HHIP: variants seen among roughly 807,000 people sequenced by gnomAD.
HHIP encodes the protein hedgehog-interacting protein.
A neutral mutation model predicts 74.0 loss-of-function variants in HHIP; 12 were observed. That is an observed-to-expected ratio of 0.16 (90% confidence interval 0.10 to 0.26). HHIP has a LOEUF of 0.26. Among genes scored for constraint, HHIP ranks in the 10% least tolerant of loss-of-function variants. The probability of loss-of-function intolerance (pLI) is 1.00; values close to 1 mark genes in which losing one functional copy is unlikely to be tolerated. For synonymous variants in HHIP, 309 were observed against 311.6 expected, an observed-to-expected ratio of 0.99 and a Z score of 0.09; for missense variants, 788 against 845.0, an observed-to-expected ratio of 0.93 and a Z score of 0.84.
chr4:144,728,684 C>A (rs1730865656), intron 11 of HHIP, among the ~76,000 whole-genome samples: 1 of 152,052 alleles, frequency 6.6e-6, no homozygotes, highest in Non-Finnish European at 1.5e-5. Context: ...CATTTAATTT[C>A]TTGCTGTACT....
chr4:144,664,832 C>G (rs985799947), intron 4 of HHIP, among the ~76,000 whole-genome samples: 1 of 152,162 alleles, frequency 6.6e-6, no homozygotes, highest in Non-Finnish European at 1.5e-5. Context: ...GGCATTTTTA[C>G]TTTTTGACTT....
At chr4:144,722,014 C>T (rs1327283162) in intron 11 of HHIP, among the ~76,000 whole-genome samples, 18 of 152,068 alleles carry the variant, frequency 1.2e-4, no homozygotes, top group Non-Finnish European at 1.5e-5. Flanking sequence ...ACAGTCACAT[C>T]TTATGGCAGG....
intron 1 of HHIP, among the ~76,000 whole-genome samples, chr4:144,647,443 A>AG (rs1192696180): frequency 6.6e-6 from 1 of 152,170 alleles, no homozygotes; most frequent in South Asian, 2.1e-4. Flanking sequence ...GCCCCGTCAG[A>AG]GGGGGGTGTC....
At position 144,743,191 on chromosome 4, in the gene HHIP, G is replaced by C. The variant is rs911921827; in HGVS notation, c.*5234G>C. ...TTAGGAGAGTAATATATATTCATGG[G>C]ATTGTGAGGGAGCATTGTAGAGCTG... On this transcript the variant is annotated 3_prime_UTR_variant, in exon 13 of 13. Transcript: ENST00000296575. The C allele has an allele frequency of 1.3e-5, 2 of 150,726 alleles. No homozygotes were observed. Among genetic ancestry groups the C allele is most frequent in the African/African-American group, 4.9e-5 (2 of 41,016 alleles). The allele number at this position is 150,726 out of a possible 1,614,324, so 9.3% of individuals were successfully genotyped here. A position where few individuals can be genotyped will look rare whatever the true frequency, so the allele number is the denominator to read the frequency against.
intron 4 of HHIP, among the ~76,000 whole-genome samples, chr4:144,703,303 T>G (rs1730042695): frequency 6.6e-6 from 1 of 152,128 alleles, no homozygotes; most frequent in Non-Finnish European, 1.5e-5. Flanking sequence ...GCCATTCTAT[T>G]AATATGTTTT....
intron 2 of HHIP, among the ~76,000 whole-genome samples, chr4:144,657,815 A>G (rs1053656651): frequency 6.6e-6 from 1 of 152,190 alleles, no homozygotes; most frequent in South Asian, 2.1e-4. Flanking sequence ...TATTTTAAAT[A>G]TAATTTTTCT....
Position 144,652,595 on chromosome 4 carries a change from T to C in HHIP, c.280-10T>C, listed in dbSNP as rs1264374772. The C allele has an allele frequency of 1.9e-6, 3 of 1,577,854 alleles. No homozygotes were observed. In the East Asian group the frequency reaches 6.7e-5, roughly 35 times the overall value. The stretch of plus-strand genomic sequence containing the variant: ...CTAAAAAAAGTTTGCTTCTGATTTA[T>C]GGCTTTCAGATATTTTCTGTTACCA... On this transcript the variant is annotated splice_polypyrimidine_tract_variant and intron_variant, in intron 1 of 12. Coordinates refer to ENST00000296575, the MANE Select transcript of HHIP (RefSeq NM_022475.3).
chr4:144,692,568 C>T (rs17721599), intron 4 of HHIP, among the ~76,000 whole-genome samples: 4,709 of 152,236 alleles, frequency 0.031, 127 homozygotes, highest in Non-Finnish European at 0.045. Flanking sequence ...TCTTTGCTAA[C>T]GCCCTAGTCT....
Position 144,715,254 on chromosome 4 carries a change from C to G in HHIP, c.1548-46C>G, listed in dbSNP as rs201395428. On this transcript the variant is annotated intron_variant, in intron 9 of 12. Coordinates refer to ENST00000296575, the MANE Select transcript of HHIP (RefSeq NM_022475.3). ...TAAACATCTTATTGTCATCAATAAA[C>G]AAAAGTGTGTATTCATTGTAGCTTT... is the stretch of plus-strand genomic sequence containing the variant. The G allele has an allele frequency of 1.9e-3, 2,988 of 1,560,568 alleles. 8 individuals are homozygous for G. Among genetic ancestry groups the G allele is most frequent in the Non-Finnish European group, 2.4e-3 (2,747 of 1,138,200 alleles).
chr4:144,647,077 A>G, intron 1 of HHIP, 123 bp downstream of exon 1: 1 of 778,322 alleles, frequency 1.3e-6, no homozygotes, highest in Non-Finnish European at 2.0e-6. Flanking sequence ...TTCTTTCCAT[A>G]ACTTTTCTAT....
chr4:144,712,910 ACG>A, intron 8 of HHIP, among the ~76,000 whole-genome samples: 1 of 111,460 alleles, frequency 9.0e-6, no homozygotes, highest in Middle Eastern at 4.7e-3. Context: ...GTGTGTGTGC[ACG>A]CGCATCTTTT....
Position 144,738,571 on chromosome 4 carries a change from G to C in HHIP, c.*614G>C. 1.3e-6 allele frequency: 1 copy of C among 797,704 alleles called. No homozygotes were observed. The highest frequency in any genetic ancestry group is 1.5e-6 in the Non-Finnish European group (1 of 658,880). 49.4% of individuals were successfully genotyped at this position (797,704 alleles called of 1,614,324 possible). On this transcript the variant is annotated 3_prime_UTR_variant, in exon 13 of 13. Transcript: ENST00000296575. ...GTTATTTCATCTTAATCTCAAGATT[G>C]TTTTCAAGTGTTTTATAATTAAATC... is the stretch of plus-strand genomic sequence containing the variant.
At chr4:144,670,588 C>T (rs1729008937) in intron 4 of HHIP, among the ~76,000 whole-genome samples, 1 of 149,824 alleles carries the variant, frequency 6.7e-6, no homozygotes. Context: ...TTGATCCAAA[C>T]AGACCACAAA....
chr4:144,690,047 A>C (rs1729602795), intron 4 of HHIP, among the ~76,000 whole-genome samples: 1 of 152,182 alleles, frequency 6.6e-6, no homozygotes, highest in Non-Finnish European at 1.5e-5. Context: ...ACCTCACCTG[A>C]TCCATCCACC....
chr4:144,700,192 G>T (rs1283612797), intron 4 of HHIP, among the ~76,000 whole-genome samples: 1 of 152,068 alleles, frequency 6.6e-6, no homozygotes, highest in Non-Finnish European at 1.5e-5. Context: ...AAGAATGTTG[G>T]TTATTCTTCC....
At chr4:144,664,392 A>G (rs184269342) in intron 4 of HHIP, among the ~76,000 whole-genome samples, 2 of 152,300 alleles carry the variant, frequency 1.3e-5, no homozygotes, top group East Asian at 3.9e-4. Flanking sequence ...GTAAATCACA[A>G]ACATAATTAT....
At chr4:144,699,524 T>C (rs551702573) in intron 4 of HHIP, among the ~76,000 whole-genome samples, 2 of 152,060 alleles carry the variant, frequency 1.3e-5, no homozygotes, top group Admixed American at 6.5e-5. Context: ...CTCCCTGGGG[T>C]TGTGGGGTAG....
rs952103330 is a variant in HHIP, at chr4:144,744,335, G to A, written c.*6378G>A. 6.6e-6 allele frequency: 1 copy of A among 152,110 alleles called. No homozygotes were observed. The highest frequency in any genetic ancestry group is 1.5e-5 in the Non-Finnish European group (1 of 68,020). 9.4% of individuals were successfully genotyped at this position (152,110 alleles called of 1,614,324 possible). On this transcript the variant is annotated 3_prime_UTR_variant, in exon 13 of 13. Coordinates refer to ENST00000296575, the MANE Select transcript of HHIP (RefSeq NM_022475.3). Reference sequence around the variant, plus strand: ...TTTATTTTGTCCAGTATTAAGGAATGGTTATCTTTATCATTCTTCTAACAT... The same window carrying A: ...TTTATTTTGTCCAGTATTAAGGAATAGTTATCTTTATCATTCTTCTAACAT...
At chr4:144,717,761 C>T (rs2126669229) in intron 10 of HHIP, among the ~76,000 whole-genome samples, 1 of 152,248 alleles carries the variant, frequency 6.6e-6, no homozygotes, top group South Asian at 2.1e-4. Context: ...TTCTCTCTCT[C>T]TCTCTCTCAA....
Sources: allele counts gnomAD v4.1 joint callset (sites outside exome capture counted in the v4.1 genomes callset), GRCh38; gene constraint gnomAD v4.1.1; transcripts MANE v1.5; gene names NCBI Gene and HGNC (gene_info 2026-07-23, HGNC 2026-07-21).